CDH13: variants seen among roughly 807,000 people sequenced by gnomAD.
CDH13 encodes the protein cadherin-13.
In CDH13, 24 loss-of-function variants were observed where a neutral mutation model predicts 63.8. The ratio of observed to expected loss-of-function variants is 0.38; its 90% CI spans 0.27 to 0.53. The LOEUF (loss-of-function observed/expected upper bound fraction) is 0.53. Ranked by LOEUF, CDH13 falls within the 20% of genes least tolerant of loss-of-function variation. The probability of loss-of-function intolerance (pLI) is 0.85; values close to 1 mark genes in which losing one functional copy is unlikely to be tolerated. For missense variants in CDH13, 1,049 were observed against 903.1 expected (o/e 1.16, Z -2.07); for synonymous variants, 503 against 355.3 (o/e 1.42, Z -4.67).
At chr16:83,490,068 C>T (rs1045789615) in intron 7 of CDH13, among the ~76,000 whole-genome samples, 41 of 151,968 alleles carry the variant, frequency 2.7e-4, no homozygotes, top group African/African-American at 7.2e-4. Flanking sequence ...GCACCTCTGG[C>T]TCTCACCTGA....
At chr16:83,459,195 C>T (rs955330987) in intron 6 of CDH13, among the ~76,000 whole-genome samples, 9 of 152,124 alleles carry the variant, frequency 5.9e-5, no homozygotes, top group Admixed American at 2.0e-4. Context: ...CTCAGAAAAT[C>T]CACTGTCATT....
chr16:83,198,218 C>A (rs2038929948), intron 4 of CDH13, among the ~76,000 whole-genome samples: 1 of 151,884 alleles, frequency 6.6e-6, no homozygotes, highest in Non-Finnish European at 1.5e-5. Flanking sequence ...ATCCCATTGC[C>A]AAGTACAACA....
intron 1 of CDH13, among the ~76,000 whole-genome samples, chr16:82,775,050 G>T (rs1318170279): frequency 6.6e-6 from 1 of 152,212 alleles, no homozygotes. Context: ...CCACGTGCTG[G>T]AAGGAGAGTA....
intron 3 of CDH13, among the ~76,000 whole-genome samples, chr16:83,119,614 C>G (rs1201172785): frequency 6.6e-6 from 1 of 152,190 alleles, no homozygotes; most frequent in Non-Finnish European, 1.5e-5. Flanking sequence ...TTTGTCACCA[C>G]CATTTTTGTG....
intron 6 of CDH13, among the ~76,000 whole-genome samples, chr16:83,401,511 C>T (rs1049849830): frequency 6.6e-6 from 1 of 151,906 alleles, no homozygotes; most frequent in Non-Finnish European, 1.5e-5. Context: ...GACTCCGTCT[C>T]AAAATAAAAT....
intron 2 of CDH13, among the ~76,000 whole-genome samples, chr16:82,870,201 G>C (rs1247217484): frequency 2.0e-5 from 3 of 152,084 alleles, no homozygotes; most frequent in African/African-American, 7.2e-5. Flanking sequence ...TGGGTAACAG[G>C]TATATGAAAA....
chr16:83,299,459 C>G (rs942456252), intron 5 of CDH13, among the ~76,000 whole-genome samples: 22 of 152,204 alleles, frequency 1.4e-4, no homozygotes, highest in Non-Finnish European at 4.4e-5. Flanking sequence ...CTAGGAACCA[C>G]CATTCTTCCC....
chr16:83,058,575 T>C (rs1169356866), intron 3 of CDH13, among the ~76,000 whole-genome samples: 1 of 152,216 alleles, frequency 6.6e-6, no homozygotes, highest in Non-Finnish European at 1.5e-5. Flanking sequence ...GGCTGGACTT[T>C]AGGGGCCAAT....
chr16:83,095,031 C>A (rs976253071), intron 3 of CDH13, among the ~76,000 whole-genome samples: 1 of 152,142 alleles, frequency 6.6e-6, no homozygotes, highest in Non-Finnish European at 1.5e-5. Flanking sequence ...ATTTCTTCTT[C>A]TTTATTTGTT....
intron 1 of CDH13, chr16:82,823,302 A>G (rs2151098761): frequency 6.6e-6 from 1 of 151,546 alleles, no homozygotes; most frequent in African/African-American, 2.4e-5. Context: ...AAGGTCTGGA[A>G]GAGGAGGTAT....
intron 5 of CDH13, among the ~76,000 whole-genome samples, chr16:83,313,499 A>G (rs1266047207): frequency 6.6e-6 from 1 of 152,210 alleles, no homozygotes; most frequent in Non-Finnish European, 1.5e-5. Flanking sequence ...ATAAAGCAAT[A>G]TAAGATTCAG....
intron 6 of CDH13, among the ~76,000 whole-genome samples, chr16:83,423,228 C>G (rs2071769496): frequency 6.6e-6 from 1 of 152,168 alleles, no homozygotes; most frequent in African/African-American, 2.4e-5. Context: ...TCAGTAGCCT[C>G]TAAAGTATTT....
intron 6 of CDH13, among the ~76,000 whole-genome samples, chr16:83,443,897 T>C (rs2072578152): frequency 6.8e-6 from 1 of 146,972 alleles, no homozygotes; most frequent in Non-Finnish European, 1.5e-5. Flanking sequence ...ACTGCACCAC[T>C]GCACTCCAGC....
intron 6 of CDH13, among the ~76,000 whole-genome samples, chr16:83,361,345 T>G (rs2091157317): frequency 6.6e-6 from 1 of 152,266 alleles, no homozygotes; most frequent in Non-Finnish European, 1.5e-5. Context: ...TTCCATCAGA[T>G]GCATAATTTG....
chr16:83,204,958 C>A (rs1178759587), intron 4 of CDH13, among the ~76,000 whole-genome samples: 2 of 152,236 alleles, frequency 1.3e-5, no homozygotes, highest in African/African-American at 4.8e-5. Flanking sequence ...ACTTACACTT[C>A]ACTAGCTAAC....
At chr16:82,973,034 A>C (rs1035368632) in intron 2 of CDH13, among the ~76,000 whole-genome samples, 2 of 152,122 alleles carry the variant, frequency 1.3e-5, no homozygotes, top group African/African-American at 4.8e-5. Flanking sequence ...GAATCTCAGA[A>C]TTTACTGCCA....
chr16:83,476,219 C>T (rs903797931), intron 6 of CDH13, among the ~76,000 whole-genome samples: 2 of 152,338 alleles, frequency 1.3e-5, no homozygotes, highest in African/African-American at 4.8e-5. Context: ...TATAGAGCAG[C>T]ATCCTTGATC....
chr16:83,297,545 G>A (rs1481032587), intron 5 of CDH13, among the ~76,000 whole-genome samples: 1 of 152,032 alleles, frequency 6.6e-6, no homozygotes, highest in Non-Finnish European at 1.5e-5. Flanking sequence ...GTTTCTCACT[G>A]AACACTTTTT....
chr16:83,624,594 T>A (rs1323413306), intron 8 of CDH13, among the ~76,000 whole-genome samples: 1 of 152,060 alleles, frequency 6.6e-6, no homozygotes, highest in Non-Finnish European at 1.5e-5. Flanking sequence ...CAGGAGGCGG[T>A]GCTCAGGCGG....
Sources: allele counts gnomAD v4.1 joint callset (sites outside exome capture counted in the v4.1 genomes callset), GRCh38; gene constraint gnomAD v4.1.1; transcripts MANE v1.5; gene names NCBI Gene and HGNC (gene_info 2026-07-23, HGNC 2026-07-21).